Variants in TRPC3 observed in about 807,000 individuals in gnomAD.
The protein encoded by TRPC3 is transient receptor potential cation channel subfamily C member 3, also known as short transient receptor potential channel 3.
TRPC3 carries 54 observed loss-of-function variants against 90.9 expected under a neutral mutation model. The ratio of observed to expected loss-of-function variants is 0.59; its 90% CI spans 0.48 to 0.75. The LOEUF (loss-of-function observed/expected upper bound fraction) is 0.75, where lower values mean the gene tolerates loss of function less well. Among genes scored for constraint, TRPC3 ranks in the 30% least tolerant of loss-of-function variants. The probability of loss-of-function intolerance (pLI) is 0.00; values close to 1 mark genes in which losing one functional copy is unlikely to be tolerated. For synonymous variants in TRPC3, 424 were observed against 450.9 expected, an observed-to-expected ratio of 0.94 and a Z score of 0.75; for missense variants, 918 against 1,194.5, an observed-to-expected ratio of 0.77 and a Z score of 3.41.
Position 121,932,719 on chromosome 4 carries a change from A to T in TRPC3, c.539T>A (p.Leu180Gln). The T allele has an allele frequency of 3.1e-6, 5 of 1,613,918 alleles. No homozygotes were observed. The highest frequency in any genetic ancestry group is 4.2e-6 in the Non-Finnish European group (5 of 1,179,868). ...ENLARIGDAL[L>Q]LAISKGYVRI... ...CACGTAGCCCTTGCTGATGGCGAGC[A>T]GCAGGGCGTCGCCAATGCGCGCCAG... The change falls in exon 2 of 12, where the codon CTG becomes CAG. Residue 180 changes from leucine to glutamine, a missense_variant. Leu to Gln is a moderately radical substitution (Grantham distance 113). Transcript: ENST00000379645. The surrounding 1 kb of genome is among the most constrained non-coding windows in gnomAD (Gnocchi z 7.7).
At chr4:121,934,062 G>A (rs140839668) in intron 1 of TRPC3, among the ~76,000 whole-genome samples, 2 of 152,120 alleles carry the variant, frequency 1.3e-5, no homozygotes, top group African/African-American at 4.8e-5. Flanking sequence ...AGATCAATGC[G>A]CACTGAAATC....
At chr4:121,942,534 A>G (rs554624818) in intron 1 of TRPC3, among the ~76,000 whole-genome samples, 48 of 152,346 alleles carry the variant, frequency 3.2e-4, no homozygotes, top group Non-Finnish European at 6.2e-4. Context: ...GCGCTGCTGC[A>G]CTCCAGCCTG....
At chr4:121,936,462 A>T (rs1730131837) in intron 1 of TRPC3, among the ~76,000 whole-genome samples, 1 of 152,368 alleles carries the variant, frequency 6.6e-6, no homozygotes, top group South Asian at 2.1e-4. Context: ...GCATTGGAGT[A>T]CCACTGACCC....
In TRPC3 at chr4:121,932,249, C is replaced by A; in HGVS notation, c.987+22G>T. The A allele has an allele frequency of 6.2e-7, 1 of 1,606,798 alleles. No homozygotes were observed. Among genetic ancestry groups the A allele is most frequent in the Non-Finnish European group, 8.5e-7 (1 of 1,175,066 alleles). ...AAGTTGGGTGAGCACACAGAGCAGC[C>A]GGGGTAGAGCGCAAAGCTTACCTTG... On this transcript the variant is annotated intron_variant, in intron 2 of 11. Coordinates refer to ENST00000379645, the MANE Select transcript of TRPC3 (RefSeq NM_001130698.2). The surrounding 1 kb of genome is among the most constrained non-coding windows in gnomAD (Gnocchi z 7.7).
intron 5 of TRPC3, among the ~76,000 whole-genome samples, chr4:121,910,835 G>T (rs1729057218): frequency 6.6e-6 from 1 of 152,108 alleles, no homozygotes; most frequent in Non-Finnish European, 1.5e-5. Flanking sequence ...TTAACAAGAA[G>T]AACAGTTTCC....
intron 9 of TRPC3, among the ~76,000 whole-genome samples, chr4:121,901,821 A>G (rs1009560499): frequency 5.9e-5 from 9 of 152,192 alleles, no homozygotes; most frequent in African/African-American, 2.2e-4. Flanking sequence ...TTTGTCTTAT[A>G]CTGCTTCTCA....
chr4:121,932,413 C>G lies in TRPC3; in HGVS notation c.845G>C (p.Ser282Thr). 1 of 1,614,216 alleles carries G rather than the reference C, an allele frequency of 6.2e-7. No individual in the cohort carries two copies. The highest frequency in any genetic ancestry group is 1.6e-4 in the Middle Eastern group (1 of 6,062). The change falls in exon 2 of 12, where the codon AGC becomes ACC. Residue 282 changes from serine to threonine, a missense_variant. Around this residue, in one of 4 missense-constraint regions of TRPC3, gnomAD observed 609 missense variants for 725.9 expected, o/e 0.84. Transcript: ENST00000379645. This position sits in a 1 kb window ranked among gnomAD's most constrained non-coding sequence, Gnocchi z 7.7. ...CMEKQRHDSF[S>T]HSRSRINAYK... ...GGCATTGATCCTCGAGCGTGAGTGG[C>G]TGAAGGAGTCGTGCCTCTGCTTCTC... is the stretch of plus-strand genomic sequence containing the variant.
intron 10 of TRPC3, among the ~76,000 whole-genome samples, chr4:121,888,751 T>A (rs80230107): frequency 0.044 from 6,713 of 152,180 alleles, 210 homozygotes; most frequent in Non-Finnish European, 0.064. Flanking sequence ...TCAGGCTGCA[T>A]GAAAAAAAAT....
chr4:121,923,211 G>A (rs539637793), intron 3 of TRPC3, among the ~76,000 whole-genome samples: 1 of 152,150 alleles, frequency 6.6e-6, no homozygotes, highest in South Asian at 2.1e-4. Context: ...AGGATGCAGA[G>A]CATCCTTTCT....
rs1730789285 is a variant in TRPC3, at chr4:121,951,946, C to G, written c.-266G>C. On this transcript the variant is annotated 5_prime_UTR_variant, in exon 1 of 12. Coordinates refer to ENST00000379645, the MANE Select transcript of TRPC3 (RefSeq NM_001130698.2). The surrounding 1 kb of genome is among the most constrained non-coding windows in gnomAD (Gnocchi z 4.4). ...TGGCTGCGACGAGGAAGCCCGGGGC[C>G]GAGCGGGGCTCTGGTGCTGGGAGAG... Among the ~76,000 whole-genome samples, 1 of 151,972 alleles carries G rather than the reference C, an allele frequency of 6.6e-6. No individual in the cohort carries two copies. The highest frequency in any genetic ancestry group is 2.4e-5 in the African/African-American group (1 of 41,368).
Position 121,951,700 on chromosome 4 carries a change from G to A in TRPC3, c.-20C>T, listed in dbSNP as rs748061287. ...GGACATCGCGCCGGCTGCGGTCCGA[G>A]TGTGGGGGTGCCGGCTGCCGGCCTC... is the stretch of plus-strand genomic sequence containing the variant. On this transcript the variant is annotated 5_prime_UTR_variant, in exon 1 of 12. Coordinates refer to ENST00000379645, the MANE Select transcript of TRPC3 (RefSeq NM_001130698.2). The surrounding 1 kb of genome is among the most constrained non-coding windows in gnomAD (Gnocchi z 4.4). The A allele has an allele frequency of 2.2e-5, 29 of 1,297,228 alleles. No homozygotes were observed. Among genetic ancestry groups the A allele is most frequent in the Non-Finnish European group, 2.8e-5 (28 of 1,012,822 alleles). 80.4% of individuals were successfully genotyped at this position (1,297,228 alleles called of 1,614,324 possible).
Position 121,932,212 on chromosome 4 carries a change from G to A in TRPC3, c.987+59C>T. Reference sequence around the variant, plus strand: ...AGCGAACGGTGGCAGAGCAGGCCAGGCAGCAGCGGGGAAGTTGGGTGAGCA... The same window carrying A: ...AGCGAACGGTGGCAGAGCAGGCCAGACAGCAGCGGGGAAGTTGGGTGAGCA... On this transcript the variant is annotated intron_variant, in intron 2 of 11. Transcript: ENST00000379645. This position sits in a 1 kb window ranked among gnomAD's most constrained non-coding sequence, Gnocchi z 7.7. 6.3e-6 allele frequency: 10 copies of A among 1,579,668 alleles called. No individual in the cohort carries two copies. Among genetic ancestry groups the A allele is most frequent in the Middle Eastern group, 1.7e-4 (1 of 5,728 alleles).
chr4:121,877,512 A>G lies in TRPC3; in HGVS notation c.*2224T>C, dbSNP rs1295307464. Among the ~76,000 whole-genome samples, 2 of 152,044 alleles carry G rather than the reference A, an allele frequency of 1.3e-5. No homozygotes were observed. Among genetic ancestry groups the G allele is most frequent in the Non-Finnish European group, 1.5e-5 (1 of 68,002 alleles). On this transcript the variant is annotated 3_prime_UTR_variant, in exon 12 of 12. Coordinates refer to ENST00000379645, the MANE Select transcript of TRPC3 (RefSeq NM_001130698.2). ...GAGCAAGGCTTCTTCTTTTTAGCTGAGGGCAATTCTCCAGGGGAAGTGATT... is the reference window on the plus strand; with the variant it reads ...GAGCAAGGCTTCTTCTTTTTAGCTGGGGGCAATTCTCCAGGGGAAGTGATT...
chr4:121,938,215 A>T (rs1009419925), intron 1 of TRPC3, among the ~76,000 whole-genome samples: 1 of 152,008 alleles, frequency 6.6e-6, no homozygotes, highest in African/African-American at 2.4e-5. Flanking sequence ...CCATCCTCTC[A>T]CCTGACCTCA....
At chr4:121,940,416 CTT>C (rs1018373892) in intron 1 of TRPC3, among the ~76,000 whole-genome samples, 1 of 152,190 alleles carries the variant, frequency 6.6e-6, no homozygotes, top group African/African-American at 2.4e-5. Context: ...AGGAGACAGA[CTT>C]TTGTTGCAGG....
At position 121,932,354 on chromosome 4, in the gene TRPC3, A is replaced by G. The variant is rs1488827080; in HGVS notation, c.904T>C (p.Leu302=). The G allele has an allele frequency of 3.1e-6, 5 of 1,614,058 alleles. No homozygotes were observed. The highest frequency in any genetic ancestry group is 3.4e-6 in the Non-Finnish European group (4 of 1,180,040). The part of the protein sequence containing the change: ...KGLASPAYLS[L]SSEDPVLTAL... ...GTAAGCACCGGGTCCTCGCTGGACA[A>G]TGAGAGGTAAGCCGGGCTGGCCAGC... Residue 302 remains leucine, a synonymous_variant, in exon 2 of 12, where the codon TTG becomes CTG. Coordinates refer to ENST00000379645, the MANE Select transcript of TRPC3 (RefSeq NM_001130698.2). This position sits in a 1 kb window ranked among gnomAD's most constrained non-coding sequence, Gnocchi z 7.7.
chr4:121,896,318 A>G (rs775244100), intron 10 of TRPC3, among the ~76,000 whole-genome samples: 57 of 152,256 alleles, frequency 3.7e-4, no homozygotes, highest in Non-Finnish European at 6.3e-4. Flanking sequence ...GGCCAGAACA[A>G]TTAGGCAAGA....
At chr4:121,946,344 T>C (rs1272985851) in intron 1 of TRPC3, among the ~76,000 whole-genome samples, 4 of 152,148 alleles carry the variant, frequency 2.6e-5, no homozygotes, top group African/African-American at 9.7e-5. Flanking sequence ...TAGAGGGCTC[T>C]AGAAAGGATA....
intron 1 of TRPC3, among the ~76,000 whole-genome samples, chr4:121,940,843 G>A (rs1560718428): frequency 6.6e-6 from 1 of 152,078 alleles, no homozygotes; most frequent in Non-Finnish European, 1.5e-5. Flanking sequence ...TTCAATTGAG[G>A]ATAAATGTTT....
Sources: allele counts gnomAD v4.1 joint callset (sites outside exome capture counted in the v4.1 genomes callset), GRCh38; gene constraint gnomAD v4.1.1; regional missense constraint gnomAD v4.1.1; non-coding constraint Gnocchi (gnomAD v3.1); transcripts MANE v1.5; gene names NCBI Gene and HGNC (gene_info 2026-07-23, HGNC 2026-07-21).